The following SEC14L5 variants were observed in gnomAD, a reference collection of about 807,000 sequenced individuals.
The protein encoded by SEC14L5 is SEC14-like protein 5.
SEC14L5 carries 96 observed loss-of-function variants against 84.6 expected under a neutral mutation model. The observed-to-expected ratio is 1.13, with a 90% confidence interval of 0.96 to 1.34. The LOEUF is 1.34. SEC14L5 is among the 40% of genes most tolerant of loss of function. The pLI, the probability that SEC14L5 is intolerant of heterozygous loss-of-function variation, is 0.00. For synonymous variants in SEC14L5, 546 were observed against 383.4 expected, an observed-to-expected ratio of 1.42 and a Z score of -4.95; for missense variants, 1,224 against 942.5, an observed-to-expected ratio of 1.30 and a Z score of -3.91.
chr16:5,009,336 C>A (rs1955773423), intron 14 of SEC14L5, among the ~76,000 whole-genome samples: 1 of 152,062 alleles, frequency 6.6e-6, no homozygotes, highest in South Asian at 2.1e-4. Flanking sequence ...GACAGGGTCT[C>A]ACTCTATCCA....
chr16:4,976,281 T>G (rs991731918), intron 2 of SEC14L5, among the ~76,000 whole-genome samples: 2 of 152,152 alleles, frequency 1.3e-5, no homozygotes, highest in African/African-American at 4.8e-5. Context: ...ACACAGCTGA[T>G]GAGAGGCAGA....
At chr16:4,990,982 TA>T (rs1568128948) in intron 5 of SEC14L5, 87 bp downstream of exon 5, 3 of 1,137,858 alleles carry the variant, frequency 2.6e-6, no homozygotes, top group Non-Finnish European at 3.7e-6. Context: ...GCAAGACCCT[TA>T]CCCTTCCTGG....
chr16:4,992,534 A>G (rs1955563662), intron 6 of SEC14L5, among the ~76,000 whole-genome samples: 1 of 152,216 alleles, frequency 6.6e-6, no homozygotes, highest in African/African-American at 2.4e-5. Context: ...TTACAGGCGT[A>G]AGCCGTTGCA....
intron 14 of SEC14L5, 111 bp downstream of exon 14, chr16:5,008,759 C>A: frequency 1.1e-6 from 1 of 917,478 alleles, no homozygotes; most frequent in South Asian, 1.5e-5. Flanking sequence ...GGTCCCCAGC[C>A]TCAGGGACCC....
intron 5 of SEC14L5, 85 bp downstream of exon 5, chr16:4,990,980 C>G (rs531179055): frequency 8.8e-7 from 1 of 1,141,076 alleles, no homozygotes; most frequent in Non-Finnish European, 1.2e-6. Flanking sequence ...TGGCAAGACC[C>G]TTACCCTTCC....
chr16:4,992,001 G>A lies in SEC14L5; in HGVS notation c.638G>A (p.Gly213Glu). The A allele has an allele frequency of 6.3e-7, 1 of 1,579,080 alleles. No individual in the cohort carries two copies. The highest frequency in any genetic ancestry group is 8.6e-7 in the Non-Finnish European group (1 of 1,168,718). ...GCCCACGGGCCCCGTAGCACCCTGGGGCCCGCTCTGGAGGCGGTCAGTATG... is the reference window on the plus strand; with the variant it reads ...GCCCACGGGCCCCGTAGCACCCTGGAGCCCGCTCTGGAGGCGGTCAGTATG... ...LEAHGPRSTLGPALEAVSMDG... is the reference protein window; with the variant it reads ...LEAHGPRSTLEPALEAVSMDG... Residue 213 changes from glycine to glutamate, a missense_variant, in exon 6 of 16, where the codon GGG becomes GAG. Gly to Glu is a moderately conservative substitution (Grantham distance 98). Coordinates refer to ENST00000251170, the MANE Select transcript of SEC14L5 (RefSeq NM_014692.2).
intron 2 of SEC14L5, among the ~76,000 whole-genome samples, chr16:4,966,267 C>CATT (rs1458960687): frequency 1.3e-5 from 1 of 78,770 alleles, no homozygotes; most frequent in Non-Finnish European, 2.4e-5. Flanking sequence ...CGCCCGGCCT[C>CATT]TTTTTTTTTT....
At chr16:4,977,446 C>CAAAAAAAAAA (rs762657125) in intron 2 of SEC14L5, among the ~76,000 whole-genome samples, 9 of 66,138 alleles carry the variant, frequency 1.4e-4, no homozygotes, top group Non-Finnish European at 2.0e-4. Context: ...GACTCCGTCT[C>CAAAAAAAAAA]AAAAAAAAAA....
At position 4,995,304 on chromosome 16, in the gene SEC14L5, A is replaced by G. The variant is rs143187660; in HGVS notation, c.668-1044A>G. On this transcript the variant is annotated intron_variant, in intron 6 of 15. Transcript: ENST00000251170. ...CCCTCATGGCTAAGAGTGGGGGAAC[A>G]GGACTCAAGCTTGGGGCCTGGCCTC... Among the ~76,000 whole-genome samples, 713 of 152,326 alleles carry G rather than the reference A, an allele frequency of 4.7e-3. 2 individuals are homozygous for G. The highest frequency in any genetic ancestry group is 7.1e-3 in the Non-Finnish European group (481 of 68,022).
chr16:5,007,600 TTC>T, intron 13 of SEC14L5, 114 bp downstream of exon 13: 1 of 907,046 alleles, frequency 1.1e-6, no homozygotes, highest in South Asian at 1.8e-5. Flanking sequence ...CTTTCTTTCT[TTC>T]TTTCTTTTTT....
Position 5,011,112 on chromosome 16 carries a change from G to A in SEC14L5, c.1818G>A (p.Arg606=), listed in dbSNP as rs116849014. The A allele has an allele frequency of 0.016, 26,293 of 1,604,752 alleles. 237 individuals are homozygous for A. The highest frequency in any genetic ancestry group is 0.02 in the Non-Finnish European group (23,408 of 1,175,854). The change falls in exon 15 of 16, where the codon CGG becomes CGA. Residue 606 remains arginine (R), a synonymous_variant. Coordinates refer to ENST00000251170, the MANE Select transcript of SEC14L5 (RefSeq NM_014692.2). The part of the protein sequence containing the change: ...GESIQGSHVT[R]WPGVYLLQWQ... Reference sequence around the variant, plus strand: ...TGTTTCAGGGCTCCCATGTGACCCGGTGGCCCGGCGTCTACCTGCTCCAGT... The same window carrying A: ...TGTTTCAGGGCTCCCATGTGACCCGATGGCCCGGCGTCTACCTGCTCCAGT...
intron 12 of SEC14L5, 104 bp from the exon 13 acceptor site, chr16:5,007,248 T>G: frequency 9.9e-7 from 1 of 1,009,316 alleles, no homozygotes; most frequent in South Asian, 1.6e-5. Context: ...AGTAAGGGGT[T>G]GCAATTATGA....
chr16:4,987,656 G>C lies in SEC14L5; in HGVS notation c.163G>C (p.Val55Leu), dbSNP rs1955506041. 2 of 1,550,860 alleles carry C rather than the reference G, an allele frequency of 1.3e-6. No individual in the cohort carries two copies. Among genetic ancestry groups the C allele is most frequent in the African/African-American group, 1.4e-5 (1 of 71,596 alleles). The change falls in exon 3 of 16, where the codon GTG becomes CTG. Residue 55 changes from valine to leucine, a missense_variant. Transcript: ENST00000251170. Reference sequence around the variant, plus strand: ...CAGCCCGGACGGGGCTGTGCACGTGGTGGAGCGGAGCTGCCGGCTGCGCGT... The same window carrying C: ...CAGCCCGGACGGGGCTGTGCACGTGCTGGAGCGGAGCTGCCGGCTGCGCGT... ...SRSPDGAVHV[V>L]ERSCRLRVDA...
intron 4 of SEC14L5, 46 bp downstream of exon 4, chr16:4,988,326 G>C (rs779352574): frequency 6.3e-7 from 1 of 1,599,784 alleles, no homozygotes; most frequent in South Asian, 1.1e-5. Flanking sequence ...ACCCACCTGC[G>C]CCCGGCACCC....
intron 4 of SEC14L5, among the ~76,000 whole-genome samples, chr16:4,990,169 A>G (rs1005109432): frequency 6.7e-6 from 1 of 149,732 alleles, no homozygotes; most frequent in African/African-American, 2.5e-5. Context: ...TTATTTTATT[A>G]TTTTTTTTTT....
chr16:4,998,249 C>T (rs1021844991), intron 8 of SEC14L5, among the ~76,000 whole-genome samples: 15 of 151,264 alleles, frequency 9.9e-5, no homozygotes, highest in Admixed American at 5.9e-4. Flanking sequence ...TCAAGTGATC[C>T]GCCCGCCTTG....
chr16:5,003,061 C>A (rs982422569), intron 10 of SEC14L5, among the ~76,000 whole-genome samples: 1 of 152,220 alleles, frequency 6.6e-6, no homozygotes. Flanking sequence ...ATGTGGTGTG[C>A]CCGTCCTTGC....
chr16:4,980,354 G>T (rs906859689), intron 2 of SEC14L5, among the ~76,000 whole-genome samples: 1 of 152,008 alleles, frequency 6.6e-6, no homozygotes, highest in South Asian at 2.1e-4. Flanking sequence ...CTTTCCTTTC[G>T]AAGTCAGAGA....
chr16:5,004,679 C>CG (rs1163471485), intron 11 of SEC14L5, among the ~76,000 whole-genome samples: 4 of 152,044 alleles, frequency 2.6e-5, no homozygotes, highest in African/African-American at 7.2e-5. Context: ...GGGCCCTGCA[C>CG]GGGGGGATTG....
Sources: gnomAD v4.1 joint callset for allele counts (sites outside exome capture counted in the v4.1 genomes callset) on GRCh38, gnomAD v4.1.1 for gene constraint, MANE v1.5 for transcripts, NCBI Gene and HGNC (gene_info 2026-07-23, HGNC 2026-07-21) for gene names.